Variants in APBB2 observed in about 807,000 individuals in gnomAD.
APBB2 encodes amyloid beta precursor protein binding family B member 2.
Under a neutral mutation model 82.5 loss-of-function variants are expected in APBB2, and 38 were observed. The observed-to-expected ratio is 0.46, with a 90% CI of 0.36 to 0.60. The LOEUF (loss-of-function observed/expected upper bound fraction) is 0.60. Among genes scored for constraint, APBB2 ranks in the 20% least tolerant of loss-of-function variants. APBB2 has a pLI of 0.00. For synonymous variants in APBB2, 341 were observed against 368.2 expected (o/e 0.93, Z 0.85); for missense variants, 772 against 972.3 (o/e 0.79, Z 2.74).
chr4:41,012,471 G>T (rs558150213), intron 6 of APBB2, among the ~76,000 whole-genome samples: 13 of 152,136 alleles, frequency 8.5e-5, no homozygotes, highest in Non-Finnish European at 1.6e-4. Flanking sequence ...GTTATGAGAT[G>T]AAATGGCCTC....
At chr4:40,909,165 C>T (rs1476313716) in intron 10 of APBB2, among the ~76,000 whole-genome samples, 19 of 152,214 alleles carry the variant, frequency 1.2e-4, no homozygotes, top group Admixed American at 1.2e-3. Context: ...ATGCAATCAC[C>T]ATTATTTGCA....
intron 1 of APBB2, among the ~76,000 whole-genome samples, chr4:41,180,677 G>A (rs1216336888): frequency 2.0e-5 from 3 of 151,980 alleles, no homozygotes; most frequent in Admixed American, 6.6e-5. Flanking sequence ...CTACTAAACA[G>A]TAAATGTGGG....
At position 40,811,179 on chromosome 4, in the gene APBB2, A is replaced by G. The variant is rs1307928418; in HGVS notation, c.*4913T>C. On this transcript the variant is annotated 3_prime_UTR_variant, in exon 18 of 18. Transcript: ENST00000508593. ...AGATTCTGAATTAAACCATTCATTAATTACACTGCAGTTTTCTTCTTTGAG... is the reference window on the plus strand; with the variant it reads ...AGATTCTGAATTAAACCATTCATTAGTTACACTGCAGTTTTCTTCTTTGAG... 6.6e-6 allele frequency: 1 copy of G among 152,224 alleles called. No homozygotes were observed. The highest frequency in any genetic ancestry group is 1.5e-5 in the Non-Finnish European group (1 of 68,040). 9.4% of individuals were successfully genotyped at this position (152,224 alleles called of 1,614,324 possible).
chr4:40,901,689 T>C (rs1775327953), intron 10 of APBB2, among the ~76,000 whole-genome samples: 1 of 152,102 alleles, frequency 6.6e-6, no homozygotes, highest in African/African-American at 2.4e-5. Context: ...TTTGTATTTT[T>C]AGTAGAGATG....
intron 5 of APBB2, among the ~76,000 whole-genome samples, chr4:41,022,897 A>T (rs1712254990): frequency 6.6e-6 from 1 of 152,214 alleles, no homozygotes; most frequent in South Asian, 2.1e-4. Flanking sequence ...TTCCTTGAAA[A>T]AAAGGAAAGG....
intron 12 of APBB2, among the ~76,000 whole-genome samples, chr4:40,843,459 G>A (rs1319732799): frequency 2.8e-5 from 4 of 143,264 alleles, no homozygotes; most frequent in African/African-American, 7.8e-5. Context: ...AAACAAGCAT[G>A]GTCTTATAAA....
chr4:40,922,162 C>T (rs1781428243), intron 10 of APBB2, among the ~76,000 whole-genome samples: 2 of 152,234 alleles, frequency 1.3e-5, no homozygotes, highest in African/African-American at 4.8e-5. Flanking sequence ...TCTAACCGAA[C>T]TGCTTCAACA....
chr4:40,881,534 CTTT>C (rs71198611), intron 12 of APBB2: 85 of 145,820 alleles, frequency 5.8e-4, no homozygotes, highest in Non-Finnish European at 9.9e-4. Flanking sequence ...TTTTCTTTTT[CTTT>C]TTTTTTTTTT....
intron 7 of APBB2, among the ~76,000 whole-genome samples, chr4:40,941,280 T>C (rs1786842768): frequency 6.6e-6 from 1 of 152,208 alleles, no homozygotes; most frequent in Non-Finnish European, 1.5e-5. Flanking sequence ...AGATTCTATT[T>C]AGGAACCAAA....
At chr4:40,867,775 C>T (rs1764399745) in intron 12 of APBB2, among the ~76,000 whole-genome samples, 1 of 151,840 alleles carries the variant, frequency 6.6e-6, no homozygotes, top group African/African-American at 2.4e-5. Flanking sequence ...GTCTGTATTC[C>T]TTTCATATAT....
Position 40,815,146 on chromosome 4 carries a change from TATCA to T in APBB2, c.*942_*945del, listed in dbSNP as rs1745277456. On this transcript the variant is annotated 3_prime_UTR_variant, in exon 18 of 18. Coordinates refer to ENST00000508593, the MANE Select transcript of APBB2 (RefSeq NM_004307.2). The stretch of plus-strand genomic sequence containing the variant: ...CTAAAATAATCGTGCATGATAGAAA[TATCA>T]ATGATATTTCCTCAACTTCAAATTG... 6.6e-6 allele frequency: 1 copy of T among 152,570 alleles called. No homozygotes were observed. Among genetic ancestry groups the T allele is most frequent in the African/African-American group, 2.4e-5 (1 of 41,418 alleles). 9.5% of individuals were successfully genotyped at this position (152,570 alleles called of 1,614,324 possible). A position where few individuals can be genotyped will look rare whatever the true frequency, so the allele number is the denominator to read the frequency against.
Position 40,816,081 on chromosome 4 carries a change from T to C in APBB2, c.*11A>G, listed in dbSNP as rs371744120. 6.2e-7 allele frequency: 1 copy of C among 1,609,192 alleles called. No individual in the cohort carries two copies. The highest frequency in any genetic ancestry group is 8.5e-7 in the Non-Finnish European group (1 of 1,175,776). The stretch of plus-strand genomic sequence containing the variant: ...CTTCAGGTAAATAGCCGAGTCCTTT[T>C]GCATGTGCAGCTATGGCATTTCGGT... On this transcript the variant is annotated 3_prime_UTR_variant, in exon 18 of 18. Transcript: ENST00000508593.
intron 6 of APBB2, among the ~76,000 whole-genome samples, chr4:40,972,441 A>AT (rs1491199948): frequency 2.9e-4 from 41 of 143,246 alleles, no homozygotes; most frequent in African/African-American, 9.9e-4. Flanking sequence ...AAAAAAAAAA[A>AT]TAATAATAAA....
intron 6 of APBB2, among the ~76,000 whole-genome samples, chr4:41,001,151 T>C (rs73809430): frequency 0.011 from 1,651 of 152,312 alleles, 24 homozygotes; most frequent in African/African-American, 0.038. Flanking sequence ...CCCTTCCCAA[T>C]GGCATGGAGT....
chr4:40,879,779 C>A (rs1457451042), intron 12 of APBB2, among the ~76,000 whole-genome samples: 1 of 151,670 alleles, frequency 6.6e-6, no homozygotes, highest in African/African-American at 2.4e-5. Flanking sequence ...GCAACCTCTG[C>A]CTCCTGGGTT....
chr4:41,068,510 T>C (rs1015791678), intron 3 of APBB2, among the ~76,000 whole-genome samples: 3 of 152,200 alleles, frequency 2.0e-5, no homozygotes, highest in African/African-American at 7.2e-5. Flanking sequence ...TCTGAGGACA[T>C]GGATCTTGAA....
At chr4:40,878,079 G>A (rs572274671) in intron 12 of APBB2, among the ~76,000 whole-genome samples, 1 of 148,602 alleles carries the variant, frequency 6.7e-6, no homozygotes, top group African/African-American at 2.4e-5. Context: ...GGACTCGGTG[G>A]CTCACGCCTG....
intron 10 of APBB2, among the ~76,000 whole-genome samples, chr4:40,927,342 T>C (rs1488024962): frequency 1.3e-5 from 2 of 152,200 alleles, no homozygotes; most frequent in Non-Finnish European, 2.9e-5. Context: ...AGACCCATCT[T>C]CAAATGCCAT....
intron 7 of APBB2, among the ~76,000 whole-genome samples, chr4:40,944,127 C>T (rs761963523): frequency 3.9e-5 from 6 of 152,212 alleles, no homozygotes; most frequent in Non-Finnish European, 8.8e-5. Flanking sequence ...GGCAGAAATG[C>T]CTGGGTGTCA....
Sources: gnomAD v4.1 joint callset for allele counts (sites outside exome capture counted in the v4.1 genomes callset) on GRCh38, gnomAD v4.1.1 for gene constraint, MANE v1.5 for transcripts, NCBI Gene and HGNC (gene_info 2026-07-23, HGNC 2026-07-21) for gene names.